MAP4K4: variants seen among roughly 807,000 people sequenced by gnomAD.
The protein encoded by MAP4K4 is mitogen-activated protein kinase kinase kinase kinase 4.
A neutral mutation model predicts 189.6 loss-of-function variants in MAP4K4; 38 were observed. The ratio of observed to expected loss-of-function variants is 0.20; its 90% CI spans 0.15 to 0.26. The LOEUF is 0.26. Among genes scored for constraint, MAP4K4 ranks in the 10% least tolerant of loss-of-function variants. MAP4K4 has a pLI of 1.00. For missense variants in MAP4K4, 1,054 were observed against 1,726.9 expected, an observed-to-expected ratio of 0.61 and a Z score of 6.91; for synonymous variants, 610 against 624.3, an observed-to-expected ratio of 0.98 and a Z score of 0.34.
chr2:101,701,034 G>A (rs935895693), intron 2 of MAP4K4, among the ~76,000 whole-genome samples: 1 of 152,000 alleles, frequency 6.6e-6, no homozygotes, highest in African/African-American at 2.4e-5. Flanking sequence ...CATCCTTTAG[G>A]ATGAATAGCA....
chr2:101,759,503 CTCCCCTCCCCTCCCCAT>C (rs2074799238), intron 2 of MAP4K4, among the ~76,000 whole-genome samples: 2 of 51,478 alleles, frequency 3.9e-5, no homozygotes, highest in Non-Finnish European at 7.5e-5. Flanking sequence ...CTCCTCCCCT[CTCCCCTCCCCTCCCCAT>C]TCCCCTCCCC....
chr2:101,803,677 T>C (rs7575034), intron 3 of MAP4K4, among the ~76,000 whole-genome samples: 9,656 of 152,238 alleles, frequency 0.063, 823 homozygotes, highest in African/African-American at 0.2. Context: ...GTTTTATTAG[T>C]CTGTCAACGT....
At chr2:101,807,041 CTTTTTTT>C (rs72332487) in intron 3 of MAP4K4, among the ~76,000 whole-genome samples, 3 of 141,318 alleles carry the variant, frequency 2.1e-5, no homozygotes, top group Non-Finnish European at 3.1e-5. Context: ...TTTTACCCTT[CTTTTTTT>C]TTTTTTTCTT....
intron 2 of MAP4K4, among the ~76,000 whole-genome samples, chr2:101,734,063 A>T (rs1173104116): frequency 6.6e-6 from 1 of 152,150 alleles, no homozygotes; most frequent in Non-Finnish European, 1.5e-5. Context: ...GTCTGGTAAT[A>T]ATTCTTCATC....
At chr2:101,792,713 G>T (rs980585263) in intron 3 of MAP4K4, among the ~76,000 whole-genome samples, 3 of 151,318 alleles carry the variant, frequency 2.0e-5, no homozygotes, top group Non-Finnish European at 4.4e-5. Flanking sequence ...TCTGCTCATT[G>T]CAACCTCCAC....
chr2:101,787,699 GT>G (rs1417321471), intron 2 of MAP4K4, among the ~76,000 whole-genome samples: 1 of 151,902 alleles, frequency 6.6e-6, no homozygotes, highest in African/African-American at 2.4e-5. Context: ...CCCGGCTTTA[GT>G]TTTTCTCCCA....
chr2:101,747,218 A>G (rs2066093690), intron 2 of MAP4K4, among the ~76,000 whole-genome samples: 3 of 152,114 alleles, frequency 2.0e-5, no homozygotes, highest in Admixed American at 2.0e-4. Context: ...TCCTGGGTTC[A>G]TGCGATCCTC....
chr2:101,755,723 C>G (rs959819281), intron 2 of MAP4K4, among the ~76,000 whole-genome samples: 26 of 152,012 alleles, frequency 1.7e-4, no homozygotes, highest in Admixed American at 3.9e-4. Context: ...GTTGTGAACT[C>G]GAAATCAATA....
At chr2:101,860,655 A>G (rs2097619025) in intron 15 of MAP4K4, 170 bp from the exon 16 acceptor site, 3 of 560,636 alleles carry the variant, frequency 5.4e-6, no homozygotes, top group Admixed American at 6.8e-5. Context: ...CCTGAATCTA[A>G]TCCTAGCACT....
chr2:101,768,799 C>T (rs925745363), intron 2 of MAP4K4, among the ~76,000 whole-genome samples: 5 of 152,192 alleles, frequency 3.3e-5, no homozygotes, highest in South Asian at 2.1e-4. Flanking sequence ...AAGATACCCT[C>T]GTCTGGTGTT....
intron 26 of MAP4K4, among the ~76,000 whole-genome samples, chr2:101,876,444 A>T (rs1392626510): frequency 6.6e-6 from 1 of 152,196 alleles, no homozygotes; most frequent in Non-Finnish European, 1.5e-5. Context: ...GGACAAGAGA[A>T]CTGACTACAG....
intron 2 of MAP4K4, among the ~76,000 whole-genome samples, chr2:101,745,210 A>G (rs939286163): frequency 2.0e-5 from 3 of 152,134 alleles, no homozygotes; most frequent in Non-Finnish European, 1.5e-5. Flanking sequence ...AAGGTGAAAT[A>G]GAGCATATGT....
At chr2:101,755,532 T>C (rs1402122717) in intron 2 of MAP4K4, among the ~76,000 whole-genome samples, 1 of 152,226 alleles carries the variant, frequency 6.6e-6, no homozygotes, top group Non-Finnish European at 1.5e-5. Flanking sequence ...CTGAGTATCA[T>C]CTTACATCTT....
rs1553478618 is a variant in MAP4K4, at chr2:101,797,889, G to GTGTTTTTTTTTTTTT, written c.180+7114_180+7115insGTTTTTTTTTTTTTT. 7.9e-3 allele frequency among the ~76,000 whole-genome samples: 415 copies of GTGTTTTTTTTTTTTT among 52,328 alleles called. 119 individuals carry two copies. Among genetic ancestry groups the GTGTTTTTTTTTTTTT allele is most frequent in the African/African-American group, 0.013 (169 of 13,156 alleles). 34.3% of individuals were successfully genotyped at this position (52,328 alleles called of 152,430 possible). ...TGAAGCTTTTTAAAACATTCTTTTA[G>GTGTTTTTTTTTTTTT]TTTTTTTTTTTTTTTTTTTTTGGAG... On this transcript the variant is annotated intron_variant, in intron 3 of 32. Coordinates refer to ENST00000324219, the Ensembl canonical transcript of MAP4K4.
At chr2:101,886,917 C>T (rs182091642) in intron 29 of MAP4K4, among the ~76,000 whole-genome samples, 171 bp from the exon 30 acceptor site, 25 of 150,598 alleles carry the variant, frequency 1.7e-4, no homozygotes, top group African/African-American at 5.9e-4. Context: ...CCCAGCTACT[C>T]GGGAGGCTGA....
At chr2:101,800,295 C>T (rs1303377944) in intron 3 of MAP4K4, among the ~76,000 whole-genome samples, 1 of 151,898 alleles carries the variant, frequency 6.6e-6, no homozygotes, top group Non-Finnish European at 1.5e-5. Context: ...ACCAGGTCTC[C>T]CTGTGTTTCC....
At chr2:101,797,838 C>A (rs926059603) in intron 3 of MAP4K4, among the ~76,000 whole-genome samples, 1 of 136,912 alleles carries the variant, frequency 7.3e-6, no homozygotes, top group African/African-American at 2.7e-5. Context: ...TTTCAACCTT[C>A]CGTTTTTTTG....
At chr2:101,767,903 C>G (rs141984836) in intron 2 of MAP4K4, among the ~76,000 whole-genome samples, 3 of 152,198 alleles carry the variant, frequency 2.0e-5, no homozygotes, top group African/African-American at 4.8e-5. Context: ...CCCTCACCCC[C>G]CCTTACTTTT....
At chr2:101,792,887 G>C (rs2093163339) in intron 3 of MAP4K4, among the ~76,000 whole-genome samples, 1 of 152,142 alleles carries the variant, frequency 6.6e-6, no homozygotes, top group Non-Finnish European at 1.5e-5. Flanking sequence ...ACCCGCCTCA[G>C]CCTCCCAAAG....
Sources: allele counts gnomAD v4.1 joint callset (sites outside exome capture counted in the v4.1 genomes callset), GRCh38; gene constraint gnomAD v4.1.1; transcripts MANE v1.5; gene names NCBI Gene and HGNC (gene_info 2026-07-23, HGNC 2026-07-21).